The following STARD9 variants were observed in gnomAD, a reference collection of about 807,000 sequenced individuals.
STARD9 encodes the protein StAR related lipid transfer domain containing 9, also known as stAR-related lipid transfer protein 9.
Under a neutral mutation model 399.8 loss-of-function variants are expected in STARD9, and 346 were observed. The observed-to-expected ratio is 0.87, with a 90% CI of 0.79 to 0.95. STARD9 has a LOEUF of 0.95. Among genes scored for constraint, STARD9 ranks in the 40% least tolerant of loss-of-function variants. STARD9 has a pLI of 0.00. For synonymous variants in STARD9, 2,203 were observed against 2,143.5 expected (o/e 1.03, Z -0.77); for missense variants, 5,832 against 5,667.5 (o/e 1.03, Z -0.93).
intron 9 of STARD9, among the ~76,000 whole-genome samples, chr15:42,659,905 A>C (rs1485511418): frequency 6.6e-6 from 1 of 152,192 alleles, no homozygotes; most frequent in African/African-American, 2.4e-5. Flanking sequence ...ATGTCCACAG[A>C]AAGATGTGCA....
chr15:42,655,494 C>T lies in STARD9; in HGVS notation c.702+2902C>T, dbSNP rs557233501. Among the ~76,000 whole-genome samples, 9 of 152,274 alleles carry T rather than the reference C, an allele frequency of 5.9e-5. No individual in the cohort carries two copies. In the South Asian group the frequency reaches 1.7e-3, roughly 28 times the overall value. ...AAAAACGTAAAGTGGGGAAAGGACACCCTATTCAACAAATGGTGCTGGGAT... is the reference window on the plus strand; with the variant it reads ...AAAAACGTAAAGTGGGGAAAGGACATCCTATTCAACAAATGGTGCTGGGAT... On this transcript the variant is annotated intron_variant, in intron 9 of 32. Transcript: ENST00000290607.
chr15:42,682,145 T>C lies in STARD9; in HGVS notation c.2107T>C (p.Leu703=). The change falls in exon 22 of 33, where the codon TTG becomes CTG. Residue 703 remains leucine, a synonymous_variant. Transcript: ENST00000290607. ...LLREETWLAS[L]QQQQQEDQVA... ...CAGAGAAGAGACCTGGCTGGCCAGC[T>C]TGCAACAGCAGCAGCAAGAAGACCA... The C allele has an allele frequency of 6.5e-7, 1 of 1,537,224 alleles. No individual in the cohort carries two copies. The highest frequency in any genetic ancestry group is 8.7e-7 in the Non-Finnish European group (1 of 1,146,898).
At chr15:42,608,028 T>C (rs2058772627) in intron 3 of STARD9, among the ~76,000 whole-genome samples, 1 of 152,140 alleles carries the variant, frequency 6.6e-6, no homozygotes, top group Admixed American at 6.6e-5. Flanking sequence ...CATTATCTTA[T>C]TTTTTGTTTT....
At chr15:42,637,859 G>T (rs1165084922) in intron 4 of STARD9, 48 bp from the exon 5 acceptor site, 8 of 1,530,436 alleles carry the variant, frequency 5.2e-6, no homozygotes, top group Middle Eastern at 3.4e-4. Flanking sequence ...GTGGGGGAGA[G>T]CATCATCTTA....
At chr15:42,666,223 C>G (rs1461984967) in intron 15 of STARD9, among the ~76,000 whole-genome samples, 5 of 152,086 alleles carry the variant, frequency 3.3e-5, no homozygotes, top group Admixed American at 3.3e-4. Flanking sequence ...GGTTTGCAGT[C>G]TAGTTGGAAA....
At chr15:42,590,719 A>G (rs2058376540) in intron 3 of STARD9, among the ~76,000 whole-genome samples, 1 of 152,226 alleles carries the variant, frequency 6.6e-6, no homozygotes, top group Admixed American at 6.5e-5. Context: ...GAGAGCATCC[A>G]GTTGTAACAG....
At chr15:42,673,626 G>A (rs2060247861) in intron 16 of STARD9, among the ~76,000 whole-genome samples, 1 of 152,138 alleles carries the variant, frequency 6.6e-6, no homozygotes, top group Admixed American at 6.5e-5. Context: ...AAAGGATAAA[G>A]TAATATGATT....
intron 1 of STARD9, among the ~76,000 whole-genome samples, chr15:42,577,281 G>A (rs1310684311): frequency 6.6e-6 from 1 of 151,988 alleles, no homozygotes; most frequent in African/African-American, 2.4e-5. Flanking sequence ...AGCCTCCCCA[G>A]CAGCTGGGAC....
intron 9 of STARD9, among the ~76,000 whole-genome samples, chr15:42,658,642 C>T (rs1188440381): frequency 6.6e-6 from 1 of 151,754 alleles, no homozygotes; most frequent in Non-Finnish European, 1.5e-5. Context: ...ATTACCATGC[C>T]TGGCTAATTT....
intron 31 of STARD9, 24 bp from the exon 32 acceptor site, chr15:42,718,728 A>C (rs1595839108): frequency 6.5e-7 from 1 of 1,536,060 alleles, no homozygotes; most frequent in Non-Finnish European, 8.7e-7. Flanking sequence ...CACAGGCAGG[A>C]CTCCCATTTC....
At chr15:42,602,934 C>A (rs911317118) in intron 3 of STARD9, among the ~76,000 whole-genome samples, 1 of 152,118 alleles carries the variant, frequency 6.6e-6, no homozygotes. Context: ...GGGAAGTTGG[C>A]GTGAGAGCCT....
At chr15:42,646,001 A>C (rs981607980) in intron 7 of STARD9, among the ~76,000 whole-genome samples, 40 of 152,152 alleles carry the variant, frequency 2.6e-4, no homozygotes, top group African/African-American at 7.5e-4. Context: ...TATCTACTAA[A>C]AATACAAAAA....
At chr15:42,629,492 G>A (rs752511164) in intron 3 of STARD9, among the ~76,000 whole-genome samples, 6 of 152,166 alleles carry the variant, frequency 3.9e-5, no homozygotes, top group African/African-American at 1.4e-4. Flanking sequence ...CAAGTTTACT[G>A]AATTTGTTTA....
At chr15:42,680,656 T>C (rs1016538355) in intron 20 of STARD9, among the ~76,000 whole-genome samples, 5 of 152,184 alleles carry the variant, frequency 3.3e-5, no homozygotes, top group Non-Finnish European at 7.3e-5. Flanking sequence ...AGACTTCAAA[T>C]ACAACACAAA....
Position 42,663,853 on chromosome 15 carries a change from C to A in STARD9, c.1112C>A (p.Thr371Asn). Residue 371 changes from threonine to asparagine, a missense_variant, in exon 13 of 33, where the codon ACC (threonine) becomes AAC (asparagine). Thr to Asn is a moderately conservative substitution (Grantham distance 65). Transcript: ENST00000290607. ...VSPAHTSYSE[T>N]MSTLRYASSA... is the part of the protein sequence containing the mutation. The stretch of plus-strand genomic sequence containing the variant: ...CCTGCACACACTAGCTACAGTGAGA[C>A]CATGAGCACACTGAGATATGCATCC... 1 of 1,536,966 alleles carries A rather than the reference C, an allele frequency of 6.5e-7. No individual in the cohort carries two copies. The highest frequency in any genetic ancestry group is 8.7e-7 in the Non-Finnish European group (1 of 1,146,648).
At position 42,644,209 on chromosome 15, in the gene STARD9, C is replaced by G. The variant is rs539460492; in HGVS notation, c.559+5397C>G. 1.4e-3 allele frequency among the ~76,000 whole-genome samples: 206 copies of G among 152,282 alleles called. 1 individual carries two copies. The highest frequency in any genetic ancestry group is 6.8e-3 in the Middle Eastern group (2 of 294). ...GCATTATGTATTAAAAATGTACATACTTGGCCGGGCATGGCGGCTCACGCC... is the reference window on the plus strand; with the variant it reads ...GCATTATGTATTAAAAATGTACATAGTTGGCCGGGCATGGCGGCTCACGCC... On this transcript the variant is annotated intron_variant, in intron 7 of 32. Coordinates refer to ENST00000290607, the MANE Select transcript of STARD9 (RefSeq NM_020759.3).
chr15:42,608,027 AT>A (rs977946089), intron 3 of STARD9, among the ~76,000 whole-genome samples: 2 of 151,758 alleles, frequency 1.3e-5, no homozygotes, highest in African/African-American at 4.8e-5. Flanking sequence ...CCATTATCTT[AT>A]TTTTTGTTTT....
At chr15:42,606,684 A>T (rs1595621845) in intron 3 of STARD9, among the ~76,000 whole-genome samples, 1 of 145,950 alleles carries the variant, frequency 6.9e-6, no homozygotes, top group Non-Finnish European at 1.5e-5. Context: ...CTGGTCTCAA[A>T]CTCCTGGGCT....
chr15:42,626,267 T>C (rs1050368245), intron 3 of STARD9, among the ~76,000 whole-genome samples: 66 of 144,224 alleles, frequency 4.6e-4, no homozygotes, highest in African/African-American at 1.7e-3. Flanking sequence ...CCTCTTCCTC[T>C]TCCTCCTCCT....
Sources: allele counts gnomAD v4.1 joint callset (sites outside exome capture counted in the v4.1 genomes callset), GRCh38; gene constraint gnomAD v4.1.1; transcripts MANE v1.5; gene names NCBI Gene and HGNC (gene_info 2026-07-23, HGNC 2026-07-21).